The following GIGYF2 variants were observed in gnomAD, a reference collection of about 807,000 sequenced individuals.
GIGYF2 encodes the protein GRB10-interacting GYF protein 2.
In GIGYF2, 25 loss-of-function variants were observed where a neutral mutation model predicts 208.1. The observed-to-expected ratio is 0.12, with a 90% CI of 0.09 to 0.17. The LOEUF (loss-of-function observed/expected upper bound fraction) is 0.17, where lower values mean the gene tolerates loss of function less well. Among genes scored for constraint, GIGYF2 ranks in the 10% least tolerant of loss-of-function variants. The probability of loss-of-function intolerance (pLI) is 1.00; values close to 1 mark genes in which losing one functional copy is unlikely to be tolerated. For missense variants in GIGYF2, 1,302 were observed against 1,579.4 expected, an observed-to-expected ratio of 0.82 and a Z score of 2.98; for synonymous variants, 534 against 543.8, an observed-to-expected ratio of 0.98 and a Z score of 0.25.
intron 23 of GIGYF2, among the ~76,000 whole-genome samples, chr2:232,843,768 A>G (rs1701903748): frequency 6.6e-6 from 1 of 152,174 alleles, no homozygotes; most frequent in Non-Finnish European, 1.5e-5. Context: ...CGGAGGTTCC[A>G]GTGGGCTGAG....
chr2:232,705,694 C>T lies in GIGYF2; in HGVS notation c.-44+2205C>T, dbSNP rs372460444. On this transcript the variant is annotated intron_variant, in intron 2 of 28. Coordinates refer to ENST00000373563, the MANE Select transcript of GIGYF2 (RefSeq NM_001103146.3). ...TACTGGGATTACAGGCGTGAGCCACCGTGTGTGGCCTTTATTTTTATTTTT... is the reference window on the plus strand; with the variant it reads ...TACTGGGATTACAGGCGTGAGCCACTGTGTGTGGCCTTTATTTTTATTTTT... 9.9e-4 allele frequency: 151 copies of T among 152,750 alleles called. 2 individuals are homozygous for T. The South Asian group carries it at 0.029, about 29-fold the overall frequency. 9.5% of individuals were successfully genotyped at this position (152,750 alleles called of 1,614,324 possible). A position where few individuals can be genotyped will look rare whatever the true frequency, so the allele number is the denominator to read the frequency against.
In GIGYF2 at chr2:232,796,781, AC is replaced by A. The variant is rs1359942716; in HGVS notation, c.1639+563del. Among the ~76,000 whole-genome samples the A allele has an allele frequency of 5.9e-5, 9 of 152,180 alleles. No individual in the cohort carries two copies. The East Asian group carries it at 9.7e-4, about 16-fold the overall frequency. On this transcript the variant is annotated intron_variant, in intron 14 of 28. Coordinates refer to ENST00000373563, the MANE Select transcript of GIGYF2 (RefSeq NM_001103146.3). The stretch of plus-strand genomic sequence containing the variant: ...AGGGTGAGGCAGGAGAATCACTTGA[AC>A]CCAGGAGGCAGAGGCTGCAGTGACC...
chr2:232,788,813 A>G (rs1388015996), intron 9 of GIGYF2, among the ~76,000 whole-genome samples: 1 of 152,078 alleles, frequency 6.6e-6, no homozygotes, highest in African/African-American at 2.4e-5. Flanking sequence ...ATCCATATAC[A>G]TATATATTTT....
intron 22 of GIGYF2, among the ~76,000 whole-genome samples, chr2:232,838,008 T>G (rs930371103): frequency 1.3e-5 from 2 of 152,156 alleles, no homozygotes; most frequent in African/African-American, 4.8e-5. Context: ...CTGAGAAGCA[T>G]GATTGACACA....
At chr2:232,829,934 AT>A (rs757594210) in intron 21 of GIGYF2, among the ~76,000 whole-genome samples, 1 of 152,028 alleles carries the variant, frequency 6.6e-6, no homozygotes. Flanking sequence ...CTCTTCTTTG[AT>A]TTCTCTCTGG....
rs1348280877 is a variant in GIGYF2 at position 232,833,087 on chromosome 2, G to A, written c.2760G>A (p.Gln920=). 4.5e-6 allele frequency: 7 copies of A among 1,550,924 alleles called. No homozygotes were observed. The highest frequency in any genetic ancestry group is 5.2e-6 in the Non-Finnish European group (6 of 1,146,354). The part of the protein sequence containing the change: ...QQQQQQQQLA[Q]MKLPSSSTWG... ...AGCAGCAGCAACAACAGCTGGCGCA[G>A]ATGAAGGTAAAGCCCGAGGCATCAA... is the stretch of plus-strand genomic sequence containing the variant. Residue 920 remains glutamine (Q), a synonymous_variant, in exon 22 of 29, where the codon CAG becomes CAA. Coordinates refer to ENST00000373563, the MANE Select transcript of GIGYF2 (RefSeq NM_001103146.3).
At chr2:232,715,252 A>G (rs1696626849) in intron 2 of GIGYF2, among the ~76,000 whole-genome samples, 1 of 152,206 alleles carries the variant, frequency 6.6e-6, no homozygotes, top group Admixed American at 6.5e-5. Context: ...GTATTTGTTC[A>G]TAACATTATT....
chr2:232,788,539 A>G (rs1345111772), intron 9 of GIGYF2: 1 of 470,356 alleles, frequency 2.1e-6, no homozygotes, highest in Admixed American at 2.4e-5. Flanking sequence ...AAGAATGGAT[A>G]GGATCTGGGC....
intron 2 of GIGYF2, among the ~76,000 whole-genome samples, chr2:232,718,275 T>A (rs1696783604): frequency 2.0e-5 from 3 of 152,070 alleles, no homozygotes; most frequent in Admixed American, 2.0e-4. Flanking sequence ...TTTTTGTAAT[T>A]TAAGTAGAGA....
intron 21 of GIGYF2, among the ~76,000 whole-genome samples, chr2:232,820,810 T>C (rs1701056634): frequency 6.6e-6 from 1 of 151,990 alleles, no homozygotes; most frequent in South Asian, 2.1e-4. Flanking sequence ...GTATTCTCTT[T>C]TTGGTTTCTT....
At chr2:232,734,519 T>A (rs1290712594) in intron 2 of GIGYF2, 1 of 152,290 alleles carries the variant, frequency 6.6e-6, no homozygotes, top group Non-Finnish European at 1.5e-5. Flanking sequence ...GTTCCTGGCC[T>A]GATCCAAGAT....
chr2:232,835,039 C>T lies in GIGYF2; in HGVS notation c.2766+1946C>T, dbSNP rs559136013. Reference sequence around the variant, plus strand: ...GGGGTCTCCAGTGTCCATTATTCCACTTTGTGTGCCTGTTTGTTTAGCCCC... The same window carrying T: ...GGGGTCTCCAGTGTCCATTATTCCATTTTGTGTGCCTGTTTGTTTAGCCCC... On this transcript the variant is annotated intron_variant, in intron 22 of 28. Coordinates refer to ENST00000373563, the MANE Select transcript of GIGYF2 (RefSeq NM_001103146.3). 5.3e-5 allele frequency among the ~76,000 whole-genome samples: 8 copies of T among 152,290 alleles called. No homozygotes were observed. The East Asian group carries it at 1.4e-3, about 26-fold the overall frequency.
intron 21 of GIGYF2, among the ~76,000 whole-genome samples, chr2:232,825,083 C>A (rs531670570): frequency 1.4e-4 from 21 of 152,204 alleles, no homozygotes; most frequent in Non-Finnish European, 2.9e-4. Context: ...ATTGACAATG[C>A]CCCTAGTCAT....
chr2:232,811,693 C>T (rs926580461), intron 17 of GIGYF2, among the ~76,000 whole-genome samples: 3 of 152,098 alleles, frequency 2.0e-5, no homozygotes, highest in African/African-American at 7.2e-5. Context: ...GTATTAGCCA[C>T]ACCACAAAAG....
Position 232,749,097 on chromosome 2 carries a change from C to A in GIGYF2, c.267+15C>A, listed in dbSNP as rs374565166. The A allele has an allele frequency of 3.8e-5, 48 of 1,255,492 alleles. No individual in the cohort carries two copies. In the South Asian group the frequency reaches 5.2e-4, roughly 14 times the overall value. 77.8% of individuals were successfully genotyped at this position (1,255,492 alleles called of 1,614,324 possible). A position where few individuals can be genotyped will look rare whatever the true frequency, so the allele number is the denominator to read the frequency against. ...AAGAAGAACAGGTTTGTGATTAGCTCTGAGCCCCAGCAAACTCTTATTCTT... is the reference window on the plus strand; with the variant it reads ...AAGAAGAACAGGTTTGTGATTAGCTATGAGCCCCAGCAAACTCTTATTCTT... On this transcript the variant is annotated intron_variant, in intron 5 of 28. Transcript: ENST00000373563.
chr2:232,774,596 G>A (rs1470893801), intron 8 of GIGYF2, among the ~76,000 whole-genome samples: 1 of 152,126 alleles, frequency 6.6e-6, no homozygotes, highest in Non-Finnish European at 1.5e-5. Flanking sequence ...CATGGAAGAA[G>A]GATATAACAA....
intron 8 of GIGYF2, chr2:232,764,631 T>C (rs1436053771): frequency 6.6e-6 from 1 of 152,264 alleles, no homozygotes; most frequent in East Asian, 1.9e-4. Flanking sequence ...AGACTTGATC[T>C]GTATGTTTCT....
chr2:232,844,284 T>C, intron 24 of GIGYF2, 29 bp downstream of exon 24: 1 of 1,609,202 alleles, frequency 6.2e-7, no homozygotes, highest in Admixed American at 1.7e-5. Flanking sequence ...GCTGTCGTTG[T>C]ATGGACTAGT....
chr2:232,761,270 C>A, intron 7 of GIGYF2, 126 bp from the exon 8 acceptor site: 1 of 663,958 alleles, frequency 1.5e-6, no homozygotes. Flanking sequence ...TAGGCAATAA[C>A]TATGTATTTA....
Sources: allele counts gnomAD v4.1 joint callset (sites outside exome capture counted in the v4.1 genomes callset), GRCh38; gene constraint gnomAD v4.1.1; transcripts MANE v1.5; gene names NCBI Gene and HGNC (gene_info 2026-07-23, HGNC 2026-07-21).